Variants in CDKAL1 observed in about 807,000 individuals in gnomAD.
The protein encoded by CDKAL1 is threonylcarbamoyladenosine tRNA methylthiotransferase.
Under a neutral mutation model 68.2 loss-of-function variants are expected in CDKAL1, and 32 were observed. The ratio of observed to expected loss-of-function variants is 0.47; its 90% CI spans 0.35 to 0.63. The LOEUF (loss-of-function observed/expected upper bound fraction) is 0.63, where lower values mean the gene tolerates loss of function less well. Ranked by LOEUF, CDKAL1 falls within the 30% of genes least tolerant of loss-of-function variation. CDKAL1 has a pLI of 0.00. For missense variants in CDKAL1, 606 were observed against 696.7 expected, an observed-to-expected ratio of 0.87 and a Z score of 1.47; for synonymous variants, 234 against 244.3, an observed-to-expected ratio of 0.96 and a Z score of 0.39.
intron 4 of CDKAL1, among the ~76,000 whole-genome samples, chr6:20,624,430 C>T (rs1272395127): frequency 6.6e-6 from 1 of 151,762 alleles, no homozygotes; most frequent in Non-Finnish European, 1.5e-5. Context: ...CTTCTTGTAT[C>T]TTTGCTTCTG....
chr6:21,083,251 G>T (rs1203493287), intron 12 of CDKAL1, among the ~76,000 whole-genome samples: 2 of 152,082 alleles, frequency 1.3e-5, no homozygotes, highest in South Asian at 2.1e-4. Flanking sequence ...AAGAAACAAA[G>T]GTTTGAATGC....
intron 4 of CDKAL1, among the ~76,000 whole-genome samples, chr6:20,578,882 C>A (rs544965904): frequency 4.3e-4 from 65 of 152,264 alleles, no homozygotes; most frequent in Non-Finnish European, 8.1e-4. Flanking sequence ...GAGCTTAAAT[C>A]ATGAAACAGG....
At chr6:20,992,859 A>G (rs1177706200) in intron 10 of CDKAL1, among the ~76,000 whole-genome samples, 2 of 151,118 alleles carry the variant, frequency 1.3e-5, no homozygotes, top group African/African-American at 2.4e-5. Context: ...CCGTGATTGC[A>G]CTTTTGCACT....
intron 4 of CDKAL1, among the ~76,000 whole-genome samples, chr6:20,601,427 C>G (rs1023351587): frequency 2.0e-5 from 3 of 151,984 alleles, no homozygotes; most frequent in African/African-American, 7.2e-5. Context: ...TAAGTTTTAA[C>G]AAAAGTTTTT....
rs372015493 is a variant in CDKAL1, at chr6:20,809,298, C to T, written c.638+28033C>T. Among the ~76,000 whole-genome samples, 7 of 152,312 alleles carry T rather than the reference C, an allele frequency of 4.6e-5. No individual in the cohort carries two copies. In the East Asian group the frequency reaches 5.8e-4, roughly 13 times the overall value. On this transcript the variant is annotated intron_variant, in intron 8 of 15. Transcript: ENST00000274695. ...AAGTTATTAGCACCCAGGGGCCATG[C>T]GTTTCTTCACTTAATATGTTGAAGA...
chr6:20,775,427 A>C (rs1423968653), intron 7 of CDKAL1, among the ~76,000 whole-genome samples: 1 of 152,186 alleles, frequency 6.6e-6, no homozygotes, highest in Non-Finnish European at 1.5e-5. Context: ...TTTTTCCATC[A>C]CAGTGCTAGG....
chr6:20,696,981 T>G (rs1449281067), intron 5 of CDKAL1, among the ~76,000 whole-genome samples: 1 of 152,224 alleles, frequency 6.6e-6, no homozygotes, highest in Non-Finnish European at 1.5e-5. Context: ...TACCACATAC[T>G]TCACTACTGA....
At chr6:20,761,817 A>C (rs1352986344) in intron 7 of CDKAL1, among the ~76,000 whole-genome samples, 1 of 152,186 alleles carries the variant, frequency 6.6e-6, no homozygotes, top group South Asian at 2.1e-4. Flanking sequence ...CAGTAATTCT[A>C]TTCTGTATGA....
At position 21,222,035 on chromosome 6, in the gene CDKAL1, G is replaced by A. The variant is rs575107794; in HGVS notation, c.1549-8813G>A. Reference sequence around the variant, plus strand: ...CATCAGATCTGTTCCTTTGGTGGACGTCAAGGCAGAATTACTCAGAATATA... The same window carrying A: ...CATCAGATCTGTTCCTTTGGTGGACATCAAGGCAGAATTACTCAGAATATA... On this transcript the variant is annotated intron_variant, in intron 15 of 15. Coordinates refer to ENST00000274695, the MANE Select transcript of CDKAL1 (RefSeq NM_017774.3). Among the ~76,000 whole-genome samples, 11 of 152,316 alleles carry A rather than the reference G, an allele frequency of 7.2e-5. No homozygotes were observed. In the East Asian group the frequency reaches 9.6e-4, roughly 13 times the overall value.
At chr6:20,669,435 T>C (rs2127778906) in intron 5 of CDKAL1, among the ~76,000 whole-genome samples, 1 of 152,326 alleles carries the variant, frequency 6.6e-6, no homozygotes, top group Non-Finnish European at 1.5e-5. Flanking sequence ...TAACTATCAT[T>C]ATCACCCATG....
chr6:20,694,046 G>GTGTGTGTGTGTATA lies in CDKAL1; in HGVS notation c.371+44680_371+44681insATATGTGTGTGTGT, dbSNP rs1371509293. On this transcript the variant is annotated intron_variant, in intron 5 of 15. Coordinates refer to ENST00000274695, the MANE Select transcript of CDKAL1 (RefSeq NM_017774.3). ...CACTAACACACCCGGCTAACTTTGT[G>GTGTGTGTGTGTATA]TGTGTGTGTGTGTGTATGTGTGTGT... Among the ~76,000 whole-genome samples, 270 of 86,444 alleles carry GTGTGTGTGTGTATA rather than the reference G, an allele frequency of 3.1e-3. 2 individuals carry two copies. The highest frequency in any genetic ancestry group is 0.012 in the African/African-American group (254 of 21,912). 56.7% of individuals were successfully genotyped at this position (86,444 alleles called of 152,430 possible). A position where few individuals can be genotyped will look rare whatever the true frequency, so the allele number is the denominator to read the frequency against.
chr6:21,003,228 A>G (rs1474292239), intron 11 of CDKAL1, among the ~76,000 whole-genome samples: 1 of 149,844 alleles, frequency 6.7e-6, no homozygotes, highest in Non-Finnish European at 1.5e-5. Context: ...ATTTTAGACT[A>G]GGCACAGTGG....
At chr6:21,191,560 G>T (rs1204652392) in intron 13 of CDKAL1, among the ~76,000 whole-genome samples, 1 of 152,110 alleles carries the variant, frequency 6.6e-6, no homozygotes, top group Non-Finnish European at 1.5e-5. Flanking sequence ...AATTAAATAG[G>T]AAGCATTGAG....
intron 12 of CDKAL1, among the ~76,000 whole-genome samples, chr6:21,081,371 G>A (rs920326761): frequency 2.6e-5 from 4 of 152,038 alleles, no homozygotes; most frequent in Non-Finnish European, 5.9e-5. Context: ...CTCCAGTGGT[G>A]ATTACATACC....
chr6:20,683,292 A>G (rs574811935), intron 5 of CDKAL1, among the ~76,000 whole-genome samples: 33 of 152,292 alleles, frequency 2.2e-4, no homozygotes, highest in South Asian at 8.3e-4. Flanking sequence ...TCCTGCTCCT[A>G]TTTATCTTCT....
intron 4 of CDKAL1, among the ~76,000 whole-genome samples, chr6:20,647,776 C>G (rs995346233): frequency 2.6e-5 from 4 of 152,070 alleles, no homozygotes; most frequent in African/African-American, 9.7e-5. Context: ...ATATAAGGCA[C>G]TCTGGCTGCT....
intron 8 of CDKAL1, among the ~76,000 whole-genome samples, chr6:20,835,528 C>CTTGTCTT (rs1777902030): frequency 6.7e-6 from 1 of 148,842 alleles, no homozygotes; most frequent in African/African-American, 2.5e-5. Flanking sequence ...TGTCTTTTGT[C>CTTGTCTT]TTGTCTTGTC....
chr6:20,886,850 C>T (rs1364980121), intron 9 of CDKAL1, among the ~76,000 whole-genome samples: 3 of 151,948 alleles, frequency 2.0e-5, no homozygotes. Context: ...TAATAAATGT[C>T]CCAGAAATGT....
At chr6:20,641,145 C>A (rs1048940651) in intron 4 of CDKAL1, among the ~76,000 whole-genome samples, 25 of 152,082 alleles carry the variant, frequency 1.6e-4, no homozygotes, top group Non-Finnish European at 3.2e-4. Flanking sequence ...GGAAAAGTCC[C>A]TTGGAAAATG....
Sources: allele counts gnomAD v4.1 joint callset (sites outside exome capture counted in the v4.1 genomes callset), GRCh38; gene constraint gnomAD v4.1.1; transcripts MANE v1.5; gene names NCBI Gene and HGNC (gene_info 2026-07-23, HGNC 2026-07-21).